The following DMTF1 variants were observed in gnomAD, a reference collection of about 807,000 sequenced individuals.
The protein encoded by DMTF1 is cyclin-D-binding Myb-like transcription factor 1.
In DMTF1, 39 loss-of-function variants were observed where a neutral mutation model predicts 91.1. That is an observed-to-expected ratio of 0.43 (90% CI 0.33 to 0.56). DMTF1 has a LOEUF of 0.56. DMTF1 is among the 20% of genes least tolerant of loss of function. DMTF1 has a pLI of 0.05. For synonymous variants in DMTF1, 338 were observed against 309.5 expected (o/e 1.09, Z -0.97); for missense variants, 750 against 914.5 (o/e 0.82, Z 2.32).
chr7:87,175,358 T>G (rs1796049902), intron 7 of DMTF1, among the ~76,000 whole-genome samples: 1 of 152,180 alleles, frequency 6.6e-6, no homozygotes, highest in Non-Finnish European at 1.5e-5. Context: ...GATGTCATAG[T>G]AGTCCTTACC....
At chr7:87,154,136 A>C (rs749920464) in intron 1 of DMTF1, 2 of 152,244 alleles carry the variant, frequency 1.3e-5, no homozygotes, top group Non-Finnish European at 2.9e-5. Context: ...ATTTAGAGAA[A>C]AAAGGTTAAA....
At chr7:87,159,191 A>G (rs1383687703) in intron 1 of DMTF1, among the ~76,000 whole-genome samples, 1 of 152,188 alleles carries the variant, frequency 6.6e-6, no homozygotes, top group Non-Finnish European at 1.5e-5. Flanking sequence ...GGCACATGAT[A>G]AGACTAGAAA....
At chr7:87,162,166 T>C (rs926411899) in intron 1 of DMTF1, among the ~76,000 whole-genome samples, 2 of 152,160 alleles carry the variant, frequency 1.3e-5, no homozygotes, top group Admixed American at 6.6e-5. Flanking sequence ...CTTGATCTCC[T>C]GGGCTGCAGC....
chr7:87,159,448 CA>C (rs1791654253), intron 1 of DMTF1, among the ~76,000 whole-genome samples: 1 of 152,162 alleles, frequency 6.6e-6, no homozygotes, highest in Non-Finnish European at 1.5e-5. Flanking sequence ...AAATCTCAAG[CA>C]GATCGTCCAT....
intron 10 of DMTF1, 70 bp from the exon 11 acceptor site, chr7:87,184,327 T>A: frequency 7.0e-7 from 1 of 1,426,270 alleles, no homozygotes; most frequent in Non-Finnish European, 9.7e-7. Flanking sequence ...TCAGTCCTTG[T>A]AAATAGAGGG....
intron 6 of DMTF1, 76 bp downstream of exon 6, chr7:87,173,725 T>A: frequency 1.2e-6 from 1 of 804,940 alleles, no homozygotes; most frequent in South Asian, 2.2e-5. Context: ...ATCAGGATTC[T>A]GAGTTGGACC....
chr7:87,180,276 G>T (rs1242115904), intron 8 of DMTF1, among the ~76,000 whole-genome samples: 1 of 152,168 alleles, frequency 6.6e-6, no homozygotes, highest in Non-Finnish European at 1.5e-5. Context: ...AGCTAATGTT[G>T]GAGCTCTTTC....
At chr7:87,181,218 T>G in intron 8 of DMTF1, 91 bp from the exon 9 acceptor site, 1 of 646,264 alleles carries the variant, frequency 1.5e-6, no homozygotes, top group Non-Finnish European at 2.8e-6. Flanking sequence ...TGACTTAACA[T>G]TCAGCTCCCT....
chr7:87,192,157 GGT>G (rs1340609798), intron 14 of DMTF1, among the ~76,000 whole-genome samples: 1 of 151,568 alleles, frequency 6.6e-6, no homozygotes, highest in Non-Finnish European at 1.5e-5. Context: ...TTACTTATGG[GGT>G]CACAATATTT....
intron 4 of DMTF1, among the ~76,000 whole-genome samples, chr7:87,170,603 G>T (rs1794840488): frequency 6.6e-6 from 1 of 152,056 alleles, no homozygotes; most frequent in African/African-American, 2.4e-5. Context: ...CCAAGTCTTG[G>T]TCACTTTTCC....
intron 13 of DMTF1, 130 bp downstream of exon 13, chr7:87,188,431 ATATTT>A (rs1798960914): frequency 3.2e-6 from 3 of 935,186 alleles, no homozygotes; most frequent in South Asian, 1.6e-5. Context: ...GACATCTAAG[ATATTT>A]TGTTTAGTTC....
At chr7:87,153,962 G>C (rs915854878) in intron 1 of DMTF1, among the ~76,000 whole-genome samples, 4 of 152,034 alleles carry the variant, frequency 2.6e-5, no homozygotes, top group African/African-American at 9.7e-5. Context: ...ATTTCAAATA[G>C]CTTTCTGAGG....
At chr7:87,174,726 TATC>T in intron 7 of DMTF1, 57 bp downstream of exon 7, 1 of 1,222,720 alleles carries the variant, frequency 8.2e-7, no homozygotes, top group East Asian at 2.4e-5. Context: ...ATTGCAAAAA[TATC>T]AACACAGAAT....
intron 12 of DMTF1, chr7:87,186,243 C>A: frequency 2.5e-6 from 1 of 405,804 alleles, no homozygotes; most frequent in Non-Finnish European, 4.4e-6. Flanking sequence ...TAAAATCATG[C>A]CACATAACGA....
intron 15 of DMTF1, 45 bp downstream of exon 15, chr7:87,193,398 C>A: frequency 6.2e-7 from 1 of 1,601,086 alleles, no homozygotes. Flanking sequence ...TGTTATAGAC[C>A]AGGATTAGTT....
chr7:87,180,856 C>CTTTTTTTT (rs397889347), intron 8 of DMTF1, among the ~76,000 whole-genome samples: 3 of 127,698 alleles, frequency 2.3e-5, no homozygotes, highest in Non-Finnish European at 5.0e-5. Flanking sequence ...TTATTTTCAA[C>CTTTTTTTT]TTTTTTTTTT....
intron 12 of DMTF1, chr7:87,187,706 C>CG (rs1798771811): frequency 4.7e-6 from 1 of 213,056 alleles, no homozygotes; most frequent in Non-Finnish European, 9.4e-6. Flanking sequence ...TCAGCCCTGG[C>CG]GGGGAAAACA....
At chr7:87,159,481 A>T (rs906887246) in intron 1 of DMTF1, among the ~76,000 whole-genome samples, 28 of 152,106 alleles carry the variant, frequency 1.8e-4, no homozygotes, top group African/African-American at 6.0e-4. Context: ...CTGCATTTGG[A>T]TTTGCTGCTA....
In DMTF1 at chr7:87,196,156, AAAC is replaced by A. The variant is rs1801180148; in HGVS notation, c.*1017_*1019del. 6.5e-6 allele frequency: 1 copy of A among 153,378 alleles called. No individual in the cohort carries two copies. The highest frequency in any genetic ancestry group is 2.4e-5 in the African/African-American group (1 of 41,450). 9.5% of individuals were successfully genotyped at this position (153,378 alleles called of 1,614,324 possible). A position where few individuals can be genotyped will look rare whatever the true frequency, so the allele number is the denominator to read the frequency against. On this transcript the variant is annotated 3_prime_UTR_variant, in exon 18 of 18. Transcript: ENST00000331242. ...CCCCTATAGAAAAGTCAAGAAAAAA[AAAC>A]CCTTGTATAAATTATTTTATTTATT...
Sources: gnomAD v4.1 joint callset for allele counts (sites outside exome capture counted in the v4.1 genomes callset) on GRCh38, gnomAD v4.1.1 for gene constraint, MANE v1.5 for transcripts, NCBI Gene and HGNC (gene_info 2026-07-23, HGNC 2026-07-21) for gene names.